FKBP8: variants seen among roughly 807,000 people sequenced by gnomAD.
FKBP8 encodes the protein FKBP prolyl isomerase 8.
A neutral mutation model predicts 41.7 loss-of-function variants in FKBP8; 5 were observed. The ratio of observed to expected loss-of-function variants is 0.12; its 90% confidence interval spans 0.06 to 0.25. The LOEUF (loss-of-function observed/expected upper bound fraction) is 0.25, where lower values mean the gene tolerates loss of function less well. Among genes scored for constraint, FKBP8 ranks in the 10% least tolerant of loss-of-function variants. FKBP8 has a pLI of 1.00. For synonymous variants in FKBP8, 279 were observed against 254.5 expected, an observed-to-expected ratio of 1.10 and a Z score of -0.92; for missense variants, 397 against 563.0, an observed-to-expected ratio of 0.71 and a Z score of 2.98.
At chr19:18,533,107 G>T in intron 7 of FKBP8, 163 bp downstream of exon 7, 1 of 710,058 alleles carries the variant, frequency 1.4e-6, no homozygotes, top group Non-Finnish European at 2.3e-6. Flanking sequence ...CTGTGTGGCC[G>T]TCATGAGGGT....
rs1976612954 is a variant in FKBP8 at position 18,537,807 on chromosome 19, C to T, written c.773-34G>A. ...AGACAGTGCCCGCCACGGCAGCCGT[C>T]ACCATGCCACCAGACACCCCGGCAC... On this transcript the variant is annotated intron_variant, in intron 5 of 8. Transcript: ENST00000608443. The surrounding 1 kb of genome is among the most constrained non-coding windows in gnomAD (Gnocchi z 4.4). 1.9e-6 allele frequency: 3 copies of T among 1,577,778 alleles called. No individual in the cohort carries two copies. Among genetic ancestry groups the T allele is most frequent in the Non-Finnish European group, 2.6e-6 (3 of 1,157,166 alleles).
intron 2 of FKBP8, among the ~76,000 whole-genome samples, chr19:18,541,150 G>T (rs534009659): frequency 1.1e-4 from 16 of 151,328 alleles, no homozygotes; most frequent in Non-Finnish European, 1.8e-4. Context: ...AACATGTGGG[G>T]GCTCATGTAG....
At chr19:18,533,004 G>C in intron 7 of FKBP8, 1 of 833,910 alleles carries the variant, frequency 1.2e-6, no homozygotes, top group Non-Finnish European at 1.8e-6. Context: ...AGGTAGCCAG[G>C]AGACAAAAGG....
intron 8 of FKBP8, chr19:18,532,461 G>C (rs1325484425): frequency 4.2e-6 from 4 of 949,454 alleles, no homozygotes; most frequent in African/African-American, 3.3e-5. Flanking sequence ...TGCCCTGGAA[G>C]AGGCTCCACA....
rs748108203 is a variant in FKBP8 at position 18,538,253 on chromosome 19, G to A, written c.735C>T (p.Tyr245=). Residue 245 remains tyrosine (Y), a synonymous_variant, in exon 5 of 9, where the codon TAC becomes TAT. Coordinates refer to ENST00000608443, the MANE Select transcript of FKBP8 (RefSeq NM_012181.5). The surrounding 1 kb of genome is among the most constrained non-coding windows in gnomAD (Gnocchi z 4.0). ...RADFVLAANS[Y]DLAIKAITSS... Reference sequence around the variant, plus strand: ...AGGTGATAGCCTTGATGGCGAGGTCGTAGGAGTTGGCGGCCAGGACGAAGT... The same window carrying A: ...AGGTGATAGCCTTGATGGCGAGGTCATAGGAGTTGGCGGCCAGGACGAAGT... 47 of 1,613,060 alleles carry A rather than the reference G, an allele frequency of 2.9e-5. No homozygotes were observed. Among genetic ancestry groups the A allele is most frequent in the East Asian group, 6.7e-5 (3 of 44,852 alleles).
chr19:18,540,788 C>T (rs1976679476), intron 2 of FKBP8, among the ~76,000 whole-genome samples: 1 of 151,784 alleles, frequency 6.6e-6, no homozygotes, highest in Non-Finnish European at 1.5e-5. Flanking sequence ...AGAAGAATCG[C>T]TTGAACCTGG....
At chr19:18,539,314 C>G (rs1976648257) in intron 4 of FKBP8, 57 bp downstream of exon 4, 1 of 1,465,822 alleles carries the variant, frequency 6.8e-7, no homozygotes, top group Middle Eastern at 2.5e-4. Context: ...GGGGTACACC[C>G]ACTCCACCCA....
In FKBP8 at chr19:18,531,811, A is replaced by C; in HGVS notation, c.*358T>G. ...ACTGTGGCGGGGAGGGAACCTGGAC[A>C]GGGGGCGGCAGGCGGGGTGGGGGGC... is the stretch of plus-strand genomic sequence containing the variant. On this transcript the variant is annotated 3_prime_UTR_variant, in exon 9 of 9. Transcript: ENST00000608443. The C allele has an allele frequency of 8.5e-6, 1 of 118,110 alleles. No individual in the cohort carries two copies. The allele number at this position is 118,110 out of a possible 1,614,324, so 7.3% of individuals were successfully genotyped here.
At chr19:18,533,040 G>T in intron 7 of FKBP8, 1 of 712,326 alleles carries the variant, frequency 1.4e-6, no homozygotes, top group Non-Finnish European at 2.3e-6. Context: ...CAAGGACACT[G>T]GCATGGAGCA....
chr19:18,540,483 C>A (rs1004605805), intron 2 of FKBP8, among the ~76,000 whole-genome samples: 1 of 152,056 alleles, frequency 6.6e-6, no homozygotes, highest in Non-Finnish European at 1.5e-5. Flanking sequence ...CCTGTAACCC[C>A]AGCACTTTGG....
rs904731949 is a variant in FKBP8 at position 18,532,064 on chromosome 19, G to A, written c.*105C>T. 1.3e-5 allele frequency: 13 copies of A among 1,013,194 alleles called. No individual in the cohort carries two copies. Among genetic ancestry groups the A allele is most frequent in the Non-Finnish European group, 2.0e-5 (13 of 664,782 alleles). The allele number at this position is 1,013,194 out of a possible 1,614,324, so 62.8% of individuals were successfully genotyped here. A position where few individuals can be genotyped will look rare whatever the true frequency, so the allele number is the denominator to read the frequency against. On this transcript the variant is annotated 3_prime_UTR_variant, in exon 9 of 9. Coordinates refer to ENST00000608443, the MANE Select transcript of FKBP8 (RefSeq NM_012181.5). ...CCAATCCTTGCTCCCCTAACCCGGA[G>A]GAGGGGGCCAGACCAGGGAGGGCAG... is the stretch of plus-strand genomic sequence containing the variant.
At chr19:18,542,811 G>T in intron 1 of FKBP8, 1 of 972,432 alleles carries the variant, frequency 1.0e-6, no homozygotes, top group Non-Finnish European at 1.4e-6. Flanking sequence ...CAACCCCTCC[G>T]TCCCCCAGGC....
In FKBP8 at chr19:18,539,711, A is replaced by C; in HGVS notation, c.302T>G (p.Leu101Arg). Residue 101 changes from leucine (L) to arginine (R), a missense_variant, in exon 3 of 9, where the codon CTG becomes CGG. Around this residue, in one of 2 missense-constraint regions of FKBP8, gnomAD observed 172 missense variants for 196.2 expected, o/e 0.88. Coordinates refer to ENST00000608443, the MANE Select transcript of FKBP8 (RefSeq NM_012181.5). The part of the protein sequence containing the change: ...EEWLDILGNG[L>R]LRKKTLVPGP... ...TGGGACCAGCGTCTTCTTCCTCAACAGCCCGTTCCCTGCCAGGGTCCAGGG... is the reference window on the plus strand; with the variant it reads ...TGGGACCAGCGTCTTCTTCCTCAACCGCCCGTTCCCTGCCAGGGTCCAGGG... 1 of 1,607,532 alleles carries C rather than the reference A, an allele frequency of 6.2e-7. No individual in the cohort carries two copies. Among genetic ancestry groups the C allele is most frequent in the African/African-American group, 1.3e-5 (1 of 74,998 alleles).
In FKBP8 at chr19:18,537,883, C is replaced by A. The variant is rs1021863696; in HGVS notation, c.773-110G>T. On this transcript the variant is annotated intron_variant, in intron 5 of 8. Transcript: ENST00000608443. This position sits in a 1 kb window ranked among gnomAD's most constrained non-coding sequence, Gnocchi z 4.4. ...CTGGCCTCAGTTTCCCCAATTTTAACCCCGGACCAAGGGCCACGCTTTCCT... is the reference window on the plus strand; with the variant it reads ...CTGGCCTCAGTTTCCCCAATTTTAAACCCGGACCAAGGGCCACGCTTTCCT... The A allele has an allele frequency of 8.0e-7, 1 of 1,247,036 alleles. No homozygotes were observed. The allele number at this position is 1,247,036 out of a possible 1,614,324, so 77.2% of individuals were successfully genotyped here. A position where few individuals can be genotyped will look rare whatever the true frequency, so the allele number is the denominator to read the frequency against.
At position 18,537,776 on chromosome 19, in the gene FKBP8, AT is replaced by A; in HGVS notation, c.773-4del. On this transcript the variant is annotated splice_polypyrimidine_tract_variant and splice_region_variant and intron_variant, in intron 5 of 8. Transcript: ENST00000608443. This position sits in a 1 kb window ranked among gnomAD's most constrained non-coding sequence, Gnocchi z 4.4. ...CTCCTCCTCGAACGTCATGTCCACTATTGGGAGACAGTGCCCGCCACGGCAG... is the reference window on the plus strand; with the variant it reads ...CTCCTCCTCGAACGTCATGTCCACTATGGGAGACAGTGCCCGCCACGGCAG... 1 of 1,602,912 alleles carries A rather than the reference AT, an allele frequency of 6.2e-7. No homozygotes were observed. The highest frequency in any genetic ancestry group is 8.5e-7 in the Non-Finnish European group (1 of 1,172,160).
intron 7 of FKBP8, 132 bp from the exon 8 acceptor site, chr19:18,532,927 G>A: frequency 1.4e-6 from 2 of 1,431,374 alleles, no homozygotes; most frequent in Non-Finnish European, 1.9e-6. Flanking sequence ...GCCCCTTTCT[G>A]GGCTTAGCAA....
chr19:18,541,645 GCCAAGGGCAC>G, intron 2 of FKBP8, 24 bp downstream of exon 2: 1 of 1,570,136 alleles, frequency 6.4e-7, no homozygotes, highest in Non-Finnish European at 8.7e-7. Context: ...GAGGGCCAGG[GCCAAGGGCAC>G]CCTGATCCAC....
At chr19:18,540,982 T>C (rs1976684975) in intron 2 of FKBP8, among the ~76,000 whole-genome samples, 1 of 152,222 alleles carries the variant, frequency 6.6e-6, no homozygotes, top group African/African-American at 2.4e-5. Context: ...ACAGTATTGT[T>C]ATTACAATTG....
rs979246753 is a variant in FKBP8, at chr19:18,538,645, G to A, written c.552-209C>T. Among the ~76,000 whole-genome samples, 4 of 152,060 alleles carry A rather than the reference G, an allele frequency of 2.6e-5. No individual in the cohort carries two copies. The highest frequency in any genetic ancestry group is 2.1e-4 in the South Asian group (1 of 4,818). Reference sequence around the variant, plus strand: ...GAACGAGTTCCCCTCCCTAAGCCTCGGTTTTCCTCCTTTTTATTAAGAGAC... The same window carrying A: ...GAACGAGTTCCCCTCCCTAAGCCTCAGTTTTCCTCCTTTTTATTAAGAGAC... On this transcript the variant is annotated intron_variant, in intron 4 of 8. Transcript: ENST00000608443. The surrounding 1 kb of genome is among the most constrained non-coding windows in gnomAD (Gnocchi z 4.0).
Sources: gnomAD v4.1 joint callset for allele counts (sites outside exome capture counted in the v4.1 genomes callset) on GRCh38, gnomAD v4.1.1 for gene constraint, gnomAD v4.1.1 regional missense constraint, Gnocchi (gnomAD v3.1) non-coding constraint, MANE v1.5 for transcripts, NCBI Gene and HGNC (gene_info 2026-07-23, HGNC 2026-07-21) for gene names.